Variants in FNDC3A observed in about 807,000 individuals in gnomAD.
FNDC3A encodes the protein fibronectin type-III domain-containing protein 3A.
A neutral mutation model predicts 148.9 loss-of-function variants in FNDC3A; 32 were observed. The observed-to-expected ratio is 0.21, with a 90% CI of 0.16 to 0.29. The LOEUF (loss-of-function observed/expected upper bound fraction) is 0.29, where lower values mean the gene tolerates loss of function less well. Among genes scored for constraint, FNDC3A ranks in the 10% least tolerant of loss-of-function variants. The pLI, the probability that FNDC3A is intolerant of heterozygous loss-of-function variation, is 1.00. For missense variants in FNDC3A, 1,191 were observed against 1,452.8 expected (o/e 0.82, Z 2.93); for synonymous variants, 472 against 473.6 (o/e 1.00, Z 0.04).
intron 1 of FNDC3A, among the ~76,000 whole-genome samples, chr13:48,998,166 C>G (rs1351351924): frequency 6.6e-6 from 1 of 152,140 alleles, no homozygotes; most frequent in Non-Finnish European, 1.5e-5. Flanking sequence ...GAATTATGCT[C>G]ATGTTCCAGT....
At chr13:49,187,749 T>C in intron 16 of FNDC3A, 1 of 938,380 alleles carries the variant, frequency 1.1e-6, no homozygotes, top group South Asian at 1.5e-5. Context: ...ACCTTTTTTT[T>C]TTCCTGGATT....
intron 3 of FNDC3A, among the ~76,000 whole-genome samples, chr13:49,097,090 C>T (rs573358578): frequency 4.1e-4 from 63 of 151,912 alleles, no homozygotes; most frequent in South Asian, 1.9e-3. Flanking sequence ...TTATATGCCA[C>T]GCTAGAGATT....
intron 3 of FNDC3A, among the ~76,000 whole-genome samples, chr13:49,076,752 AATT>A (rs1341428104): frequency 6.6e-6 from 1 of 151,872 alleles, no homozygotes; most frequent in Non-Finnish European, 1.5e-5. Flanking sequence ...CCATCATACC[AATT>A]ATTGCACCAT....
chr13:49,015,231 G>A (rs1454972344), intron 2 of FNDC3A, among the ~76,000 whole-genome samples: 1 of 152,198 alleles, frequency 6.6e-6, no homozygotes, highest in Non-Finnish European at 1.5e-5. Flanking sequence ...CTACCCATTA[G>A]CATGGAATGT....
intron 2 of FNDC3A, among the ~76,000 whole-genome samples, chr13:49,065,397 A>C (rs540534646): frequency 1.3e-5 from 2 of 152,354 alleles, no homozygotes; most frequent in Admixed American, 6.5e-5. Context: ...TAATACCAAG[A>C]GGTGTGATTC....
intron 2 of FNDC3A, among the ~76,000 whole-genome samples, chr13:49,032,368 A>C (rs1874182550): frequency 6.6e-6 from 1 of 152,216 alleles, no homozygotes; most frequent in African/African-American, 2.4e-5. Flanking sequence ...AAGTGGAAAC[A>C]CTCCAAATGT....
At chr13:49,106,773 C>CAAAAAAAAAAAAAAAAAAAAACAAAAAA in intron 3 of FNDC3A, among the ~76,000 whole-genome samples, 1 of 79,890 alleles carries the variant, frequency 1.3e-5, no homozygotes, top group Non-Finnish European at 2.3e-5. Context: ...TGAATGAAAG[C>CAAAAAAAAAAAAAAAAAAAAACAAAAAA]AAAAAAAAAA....
At position 49,127,679 on chromosome 13, in the gene FNDC3A, T is replaced by C. The variant is rs112614072; in HGVS notation, c.253-3458T>C. Reference sequence around the variant, plus strand: ...ATTGCAGACTAGTATATCTTAACAGTCTATTCAACATTTCCACTAAGTTGT... The same window carrying C: ...ATTGCAGACTAGTATATCTTAACAGCCTATTCAACATTTCCACTAAGTTGT... On this transcript the variant is annotated intron_variant, in intron 4 of 25. Transcript: ENST00000492622. 6.2e-4 allele frequency among the ~76,000 whole-genome samples: 94 copies of C among 152,304 alleles called. 1 individual carries two copies. Among genetic ancestry groups the C allele is most frequent in the African/African-American group, 2.1e-3 (89 of 41,554 alleles).
chr13:49,037,900 C>T (rs1874620305), intron 2 of FNDC3A, among the ~76,000 whole-genome samples: 1 of 152,200 alleles, frequency 6.6e-6, no homozygotes, highest in South Asian at 2.1e-4. Flanking sequence ...TTTTGCCGTC[C>T]ACAGATGGCT....
rs116564207 is a variant in FNDC3A, at chr13:49,049,466, T to C, written c.100-25823T>C. Among the ~76,000 whole-genome samples, 1,161 of 152,222 alleles carry C rather than the reference T, an allele frequency of 7.6e-3. 20 individuals carry two copies. Among genetic ancestry groups the C allele is most frequent in the African/African-American group, 0.026 (1,101 of 41,562 alleles). ...CCTTTTTTTTTGTTTGCAGTTTTTT[T>C]CATTACCAATTCAGCCTCTCTTCCT... On this transcript the variant is annotated intron_variant, in intron 2 of 25. Transcript: ENST00000492622.
chr13:49,197,095 G>C, intron 20 of FNDC3A, 105 bp downstream of exon 20: 1 of 566,658 alleles, frequency 1.8e-6, no homozygotes, highest in Non-Finnish European at 3.0e-6. Context: ...ATTATACAGA[G>C]TAAGCCCTAG....
Position 49,207,104 on chromosome 13 carries a change from C to T in FNDC3A, c.3306C>T (p.Ser1102=), listed in dbSNP as rs1479074344. 1 of 1,613,974 alleles carries T rather than the reference C, an allele frequency of 6.2e-7. No individual in the cohort carries two copies. The highest frequency in any genetic ancestry group is 1.7e-5 in the Admixed American group (1 of 60,020). The change falls in exon 26 of 26, where the codon TCC becomes TCT. Residue 1102 remains serine (S), a synonymous_variant. Transcript: ENST00000492622. The part of the protein sequence containing the change: ...FKQIYKGPDS[S]FRYSSLQLNC... ...AGATTTACAAGGGTCCCGACTCTTC[C>T]TTCCGGTATTCCAGCCTTCAGCTGA... is the stretch of plus-strand genomic sequence containing the variant.
chr13:49,163,058 G>A (rs943685852), intron 8 of FNDC3A, among the ~76,000 whole-genome samples: 1 of 152,188 alleles, frequency 6.6e-6, no homozygotes. Context: ...CTACTGGGAG[G>A]TGTCTCCCAG....
intron 2 of FNDC3A, among the ~76,000 whole-genome samples, chr13:49,038,231 C>A (rs1268722046): frequency 6.6e-6 from 1 of 152,040 alleles, no homozygotes; most frequent in East Asian, 1.9e-4. Flanking sequence ...TGCGGTGGGT[C>A]AAAAGACAAC....
intron 2 of FNDC3A, among the ~76,000 whole-genome samples, chr13:49,042,251 G>C (rs1458789551): frequency 6.6e-6 from 1 of 152,044 alleles, no homozygotes; most frequent in Admixed American, 6.6e-5. Flanking sequence ...TCCTTGGGAC[G>C]AAAAACCCCA....
intron 11 of FNDC3A, among the ~76,000 whole-genome samples, chr13:49,173,929 C>T (rs1454583783): frequency 6.6e-6 from 1 of 152,164 alleles, no homozygotes; most frequent in Non-Finnish European, 1.5e-5. Flanking sequence ...GCTGTGCTCT[C>T]TGCTAGAACA....
intron 3 of FNDC3A, chr13:49,110,498 G>C: frequency 1.2e-6 from 1 of 864,140 alleles, no homozygotes; most frequent in Non-Finnish European, 2.0e-6. Context: ...TTTAAAAATA[G>C]ATGCTAAATA....
chr13:49,207,484 A>T lies in FNDC3A; in HGVS notation c.*89A>T. On this transcript the variant is annotated 3_prime_UTR_variant, in exon 26 of 26. Transcript: ENST00000492622. ...TATTGCTTTTATAAAAAACAGTGGC[A>T]TTTAGCACTGGCATTGAGACTATAG... 2 of 856,832 alleles carry T rather than the reference A, an allele frequency of 2.3e-6. No individual in the cohort carries two copies. The highest frequency in any genetic ancestry group is 3.6e-6 in the Non-Finnish European group (2 of 553,380). The allele number at this position is 856,832 out of a possible 1,614,324, so 53.1% of individuals were successfully genotyped here. A position where few individuals can be genotyped will look rare whatever the true frequency, so the allele number is the denominator to read the frequency against.
At chr13:49,021,153 A>G (rs1307060535) in intron 2 of FNDC3A, among the ~76,000 whole-genome samples, 1 of 152,210 alleles carries the variant, frequency 6.6e-6, no homozygotes, top group East Asian at 1.9e-4. Flanking sequence ...TACTGCCAAA[A>G]TGAAAGTAGG....
Sources: gnomAD v4.1 joint callset for allele counts (sites outside exome capture counted in the v4.1 genomes callset) on GRCh38, gnomAD v4.1.1 for gene constraint, MANE v1.5 for transcripts, NCBI Gene and HGNC (gene_info 2026-07-23, HGNC 2026-07-21) for gene names.